The following DOCK5 variants were observed in gnomAD, a reference collection of about 807,000 sequenced individuals.
DOCK5 encodes dedicator of cytokinesis 5, also known as dedicator of cytokinesis protein 5.
A neutral mutation model predicts 251.8 loss-of-function variants in DOCK5; 142 were observed. The ratio of observed to expected loss-of-function variants is 0.56; its 90% CI spans 0.49 to 0.65. The LOEUF is 0.65. DOCK5 is among the 30% of genes least tolerant of loss of function. The probability of loss-of-function intolerance (pLI) is 0.00; values close to 1 mark genes in which losing one functional copy is unlikely to be tolerated. For missense variants in DOCK5, 2,111 were observed against 2,312.3 expected, an observed-to-expected ratio of 0.91 and a Z score of 1.79; for synonymous variants, 842 against 835.5, an observed-to-expected ratio of 1.01 and a Z score of -0.13.
At chr8:25,190,775 G>GGTTTTTTTTTTTTTTTTTTTT (rs1801562776) in intron 1 of DOCK5, among the ~76,000 whole-genome samples, 1 of 53,980 alleles carries the variant, frequency 1.9e-5, no homozygotes, top group Non-Finnish European at 3.3e-5. Context: ...CTTGGTCATG[G>GGTTTTTTTTTTTTTTTTTTTT]GTTTTTTTTT....
At chr8:25,184,990 C>T in intron 1 of DOCK5, 39 bp downstream of exon 1, 1 of 1,327,052 alleles carries the variant, frequency 7.5e-7, no homozygotes. Context: ...CCGACCCACG[C>T]GGCCAAGTTC....
chr8:25,409,198 G>A (rs913427491), intron 50 of DOCK5, among the ~76,000 whole-genome samples: 2 of 152,122 alleles, frequency 1.3e-5, no homozygotes, highest in African/African-American at 4.8e-5. Context: ...AGGCAGATCT[G>A]CACTAGGACT....
chr8:25,341,659 T>C, intron 23 of DOCK5, 80 bp from the exon 24 acceptor site: 1 of 1,249,178 alleles, frequency 8.0e-7, no homozygotes, highest in South Asian at 1.3e-5. Context: ...AAGCACAGCC[T>C]TTTCTTCCTG....
At chr8:25,272,052 AG>A (rs1313079852) in intron 3 of DOCK5, among the ~76,000 whole-genome samples, 16 of 152,372 alleles carry the variant, frequency 1.1e-4, no homozygotes, top group Admixed American at 6.5e-5. Flanking sequence ...TATTTGAGAC[AG>A]GATCTCAGTC....
At chr8:25,345,971 TCCCGAGTAGCTGGGACTACAGGCG>T in intron 26 of DOCK5, among the ~76,000 whole-genome samples, 1 of 152,184 alleles carries the variant, frequency 6.6e-6, no homozygotes, top group South Asian at 2.1e-4. Flanking sequence ...TGTCCCAGCC[TCCCGAGTAGCTGGGACTACAGGCG>T]CCCGCCACCA....
At chr8:25,381,342 G>A (rs989036908) in intron 39 of DOCK5, among the ~76,000 whole-genome samples, 1 of 152,064 alleles carries the variant, frequency 6.6e-6, no homozygotes, top group African/African-American at 2.4e-5. Context: ...TTCATCAACT[G>A]GGCTGGGCAC....
intron 2 of DOCK5, among the ~76,000 whole-genome samples, chr8:25,254,799 A>AAAAAAAAAAAAT (rs1563326284): frequency 6.8e-6 from 1 of 147,820 alleles, no homozygotes. Flanking sequence ...AAAACAAAAA[A>AAAAAAAAAAAAT]AAAAAACATT....
chr8:25,376,406 A>T, intron 37 of DOCK5: 1 of 979,072 alleles, frequency 1.0e-6, no homozygotes, highest in Non-Finnish European at 1.2e-6. Context: ...GGGGGGAGGG[A>T]ATCTCTTTCT....
rs56131241 is a variant in DOCK5, at chr8:25,412,078, C to CTTTTTTTTTTTTTTT, written c.*789_*803dup. On this transcript the variant is annotated 3_prime_UTR_variant, in exon 52 of 52. Coordinates refer to ENST00000276440, the MANE Select transcript of DOCK5 (RefSeq NM_024940.8). ...GAAGCTCTTCCTTTTGCACATACGG[C>CTTTTTTTTTTTTTTT]TTTTTTTTTTTTTTTTTTTTTTTGT... The CTTTTTTTTTTTTTTT allele has an allele frequency of 9.7e-5, 8 of 82,846 alleles. No individual in the cohort carries two copies. The highest frequency in any genetic ancestry group is 6.4e-4 in the South Asian group (1 of 1,560). 5.1% of individuals were successfully genotyped at this position (82,846 alleles called of 1,614,324 possible). A position where few individuals can be genotyped will look rare whatever the true frequency, so the allele number is the denominator to read the frequency against.
intron 34 of DOCK5, among the ~76,000 whole-genome samples, chr8:25,369,996 A>C (rs1000839247): frequency 6.6e-6 from 1 of 152,240 alleles, no homozygotes; most frequent in Non-Finnish European, 1.5e-5. Context: ...AAAGGAAAAA[A>C]TATTTCAAGG....
intron 44 of DOCK5, among the ~76,000 whole-genome samples, chr8:25,394,775 T>C (rs1001899708): frequency 3.9e-5 from 6 of 152,220 alleles, no homozygotes; most frequent in African/African-American, 1.4e-4. Context: ...AGCTCCAATG[T>C]TTAAGTCATC....
intron 27 of DOCK5, among the ~76,000 whole-genome samples, chr8:25,353,321 CTGAG>C (rs1322347181): frequency 2.0e-5 from 3 of 152,132 alleles, no homozygotes; most frequent in Admixed American, 6.5e-5. Flanking sequence ...GCCTGGGTGA[CTGAG>C]TAAGACCCTG....
At chr8:25,410,340 C>G (rs1254827087) in intron 51 of DOCK5, 138 bp downstream of exon 51, 2 of 695,336 alleles carry the variant, frequency 2.9e-6, no homozygotes. Context: ...ATTCCTGAAA[C>G]CACAGGAGAT....
At chr8:25,197,952 G>C (rs894724044) in intron 1 of DOCK5, among the ~76,000 whole-genome samples, 2 of 151,890 alleles carry the variant, frequency 1.3e-5, no homozygotes, top group Non-Finnish European at 2.9e-5. Flanking sequence ...GGGTTTCACT[G>C]TGTTAGCCAG....
At chr8:25,391,197 C>CTGTGTGTGTG (rs760981712) in intron 42 of DOCK5, among the ~76,000 whole-genome samples, 2 of 22,846 alleles carry the variant, frequency 8.8e-5, no homozygotes, top group African/African-American at 1.0e-4. Context: ...ACCACCACAC[C>CTGTGTGTGTG]TGTGTGTGTG....
chr8:25,363,494 T>A (rs1160832696), intron 29 of DOCK5, among the ~76,000 whole-genome samples: 1 of 152,254 alleles, frequency 6.6e-6, no homozygotes, highest in Non-Finnish European at 1.5e-5. Context: ...CGGTCCATGA[T>A]GTATTTAACC....
intron 30 of DOCK5, among the ~76,000 whole-genome samples, chr8:25,365,085 G>A (rs1280796388): frequency 6.6e-6 from 1 of 152,166 alleles, no homozygotes; most frequent in Non-Finnish European, 1.5e-5. Flanking sequence ...AAATGAGTTT[G>A]GTTCTAAAGA....
At position 25,238,828 on chromosome 8, in the gene DOCK5, G is replaced by A. The variant is rs559583292; in HGVS notation, c.44-4846G>A. Among the ~76,000 whole-genome samples the A allele has an allele frequency of 6.6e-5, 10 of 152,300 alleles. No homozygotes were observed. The South Asian group carries it at 1.2e-3, about 19-fold the overall frequency. On this transcript the variant is annotated intron_variant, in intron 1 of 51. Transcript: ENST00000276440. Reference sequence around the variant, plus strand: ...TTAAAATATATTCTTTTCTGACATCGTTATTATACCTTGAGTACTTTCTTT... The same window carrying A: ...TTAAAATATATTCTTTTCTGACATCATTATTATACCTTGAGTACTTTCTTT...
At chr8:25,389,997 A>AG (rs1554506682) in intron 41 of DOCK5, among the ~76,000 whole-genome samples, 2 of 150,088 alleles carry the variant, frequency 1.3e-5, no homozygotes, top group Non-Finnish European at 3.0e-5. Flanking sequence ...AAAAAAAAAA[A>AG]GGGCCCTAGG....
Sources: gnomAD v4.1 joint callset for allele counts (sites outside exome capture counted in the v4.1 genomes callset) on GRCh38, gnomAD v4.1.1 for gene constraint, MANE v1.5 for transcripts, NCBI Gene and HGNC (gene_info 2026-07-23, HGNC 2026-07-21) for gene names.